PCLO: variants seen among roughly 807,000 people sequenced by gnomAD.
PCLO encodes piccolo presynaptic cytomatrix protein.
In PCLO, 82 loss-of-function variants were observed where a neutral mutation model predicts 427.5. The ratio of observed to expected loss-of-function variants is 0.19; its 90% CI spans 0.16 to 0.23. PCLO has a LOEUF of 0.23. Ranked by LOEUF, PCLO falls within the 10% of genes least tolerant of loss-of-function variation. The pLI is 1.00. For synonymous variants in PCLO, 2,357 were observed against 2,155.4 expected, an observed-to-expected ratio of 1.09 and a Z score of -2.59; for missense variants, 6,239 against 6,115.9, an observed-to-expected ratio of 1.02 and a Z score of -0.67.
chr7:82,863,001 T>C (rs543025836), intron 10 of PCLO, among the ~76,000 whole-genome samples: 9 of 152,118 alleles, frequency 5.9e-5, no homozygotes, highest in Admixed American at 5.2e-4. Context: ...CTAATGAGTA[T>C]AAATGTATTG....
chr7:83,119,857 A>T (rs1791230212), intron 3 of PCLO, among the ~76,000 whole-genome samples: 1 of 151,966 alleles, frequency 6.6e-6, no homozygotes, highest in African/African-American at 2.4e-5. Context: ...GTAATTTAAA[A>T]AATCAAACAG....
At chr7:82,821,630 G>C (rs1046134395) in intron 20 of PCLO, 4 of 964,828 alleles carry the variant, frequency 4.1e-6, no homozygotes, top group African/African-American at 1.8e-5. Flanking sequence ...CAAATGAAAT[G>C]AAAATACAGC....
chr7:82,808,036 T>G (rs1791491387), intron 20 of PCLO, among the ~76,000 whole-genome samples: 1 of 151,962 alleles, frequency 6.6e-6, no homozygotes, highest in Admixed American at 6.6e-5. Flanking sequence ...ATGATGGACA[T>G]GTATAAAGTA....
rs192928002 is a variant in PCLO, at chr7:82,916,751, T to A, written c.11235A>T (p.Thr3745=). 281 of 1,613,728 alleles carry A rather than the reference T, an allele frequency of 1.7e-4. 1 individual carries two copies. Among genetic ancestry groups the A allele is most frequent in the Non-Finnish European group, 1.9e-5 (22 of 1,179,722 alleles). The change falls in exon 7 of 25, where the codon ACA becomes ACT. Residue 3745 remains threonine (T), a synonymous_variant. Transcript: ENST00000333891. ...GTQSTFSTMG[T]VSRRRICRTN... ...TTCTGCAGATCCTTCTCCTGGAAAC[T>A]GTGCCCATTGTGCTGAATGTGGATT...
intron 6 of PCLO, among the ~76,000 whole-genome samples, chr7:82,931,002 CAAGTT>C (rs1257078942): frequency 2.6e-5 from 4 of 152,036 alleles, no homozygotes; most frequent in Admixed American, 6.6e-5. Flanking sequence ...TAAAAGAAAA[CAAGTT>C]AAGAGCCTTT....
chr7:82,883,418 A>G (rs1793556000), intron 9 of PCLO, among the ~76,000 whole-genome samples: 1 of 152,202 alleles, frequency 6.6e-6, no homozygotes, highest in African/African-American at 2.4e-5. Context: ...AAATTATATT[A>G]AAAATTCAGT....
rs531310089 is a variant in PCLO, at chr7:82,772,432, G to A, written c.15008-10939C>T. Among the ~76,000 whole-genome samples the A allele has an allele frequency of 6.6e-5, 10 of 152,164 alleles. No individual in the cohort carries two copies. The South Asian group carries it at 1.5e-3, about 22-fold the overall frequency. ...TCCTAGCACATTCTCATGTTTTAGG[G>A]CTAAGTGGGGGCTGAGGGAAGAGGC... On this transcript the variant is annotated intron_variant, in intron 22 of 24. Coordinates refer to ENST00000333891, the MANE Select transcript of PCLO (RefSeq NM_033026.6).
intron 3 of PCLO, among the ~76,000 whole-genome samples, chr7:83,003,247 GTAA>G (rs1787867673): frequency 6.6e-6 from 1 of 151,086 alleles, no homozygotes; most frequent in Admixed American, 6.6e-5. Context: ...ACGTTTATAT[GTAA>G]TATTATATAC....
At position 82,824,314 on chromosome 7, in the gene PCLO, T is replaced by C. The variant is rs1290916887; in HGVS notation, c.14518A>G (p.Ser4840Gly). 6.2e-7 allele frequency: 1 copy of C among 1,613,662 alleles called. No individual in the cohort carries two copies. Residue 4840 changes from serine (S) to glycine (G), a missense_variant, in exon 19 of 25, where the codon AGT (serine) becomes GGT (glycine). Ser to Gly is a moderately conservative substitution (Grantham distance 56). Around this residue, in one of 5 missense-constraint regions of PCLO, gnomAD observed 877 missense variants for 925.5 expected, o/e 0.95. Transcript: ENST00000333891. ...ESIDHGKSHS[S>G]QSSQQSPKPS... ...TTTGGGGACTGCTGGCTGCTCTGAC[T>C]GGAATGAGACTTGCCATGATCAATG...
At chr7:82,896,194 T>C (rs1282498040) in intron 9 of PCLO, among the ~76,000 whole-genome samples, 1 of 151,764 alleles carries the variant, frequency 6.6e-6, no homozygotes, top group South Asian at 2.1e-4. Flanking sequence ...CCAATAAAAA[T>C]TACATATTAT....
intron 4 of PCLO, 31 bp downstream of exon 4, chr7:82,965,740 G>A (rs776833630): frequency 1.1e-5 from 16 of 1,408,880 alleles, no homozygotes; most frequent in Non-Finnish European, 1.6e-5. Flanking sequence ...TCACACATGA[G>A]AGTGTGAGAA....
At chr7:82,935,708 C>T (rs1411560400) in intron 6 of PCLO, among the ~76,000 whole-genome samples, 3 of 151,530 alleles carry the variant, frequency 2.0e-5, no homozygotes, top group East Asian at 3.9e-4. Flanking sequence ...AAACACTATA[C>T]GATCACGGCG....
intron 20 of PCLO, among the ~76,000 whole-genome samples, chr7:82,812,674 G>A (rs1476258889): frequency 6.6e-6 from 1 of 151,474 alleles, no homozygotes; most frequent in Non-Finnish European, 1.5e-5. Context: ...TTCCGGTTTG[G>A]TGCTATAAAA....
At chr7:83,151,200 G>GA (rs1009249293) in intron 2 of PCLO, among the ~76,000 whole-genome samples, 3 of 151,632 alleles carry the variant, frequency 2.0e-5, no homozygotes, top group South Asian at 2.1e-4. Context: ...TTTCTTATAG[G>GA]AAAAAAAATC....
chr7:83,053,746 T>C (rs536266641), intron 3 of PCLO, among the ~76,000 whole-genome samples: 1 of 151,998 alleles, frequency 6.6e-6, no homozygotes, highest in African/African-American at 2.4e-5. Flanking sequence ...TTCTTTTCAA[T>C]CTAGATAATT....
At position 82,955,006 on chromosome 7, in the gene PCLO, A is replaced by T. The variant is rs758058081; in HGVS notation, c.5947T>A (p.Phe1983Ile). 3.7e-6 allele frequency: 6 copies of T among 1,613,770 alleles called. No homozygotes were observed. The highest frequency in any genetic ancestry group is 5.1e-6 in the Non-Finnish European group (6 of 1,179,856). Residue 1983 changes from phenylalanine (F) to isoleucine (I), a missense_variant, in exon 5 of 25, where the codon TTT (phenylalanine) becomes ATT (isoleucine). By Grantham distance (21) the Phe-to-Ile change is conservative. Around this residue, in one of 5 missense-constraint regions of PCLO, gnomAD observed 4,677 missense variants for 4,468.4 expected, o/e 1.05. Coordinates refer to ENST00000333891, the MANE Select transcript of PCLO (RefSeq NM_033026.6). The part of the protein sequence containing the change: ...LLTRQEEENG[F>I]MQQKGREQKI... Reference sequence around the variant, plus strand: ...TGCTCTCTTCCTTTCTGCTGCATAAATCCATTTTCTTCTTCTTGCCTTGTT... The same window carrying T: ...TGCTCTCTTCCTTTCTGCTGCATAATTCCATTTTCTTCTTCTTGCCTTGTT...
intron 6 of PCLO, among the ~76,000 whole-genome samples, chr7:82,938,611 G>T (rs1209245539): frequency 6.6e-6 from 1 of 151,818 alleles, no homozygotes; most frequent in East Asian, 1.9e-4. Flanking sequence ...AAACAATGAA[G>T]AAATTCAAAA....
chr7:83,031,882 T>C (rs1443944011), intron 3 of PCLO, among the ~76,000 whole-genome samples: 1 of 152,136 alleles, frequency 6.6e-6, no homozygotes. Context: ...AATTTAGTCT[T>C]TTTAATAATT....
rs139895872 is a variant in PCLO, at chr7:82,788,749, C to G, written c.15007+12769G>C. Among the ~76,000 whole-genome samples the G allele has an allele frequency of 3.2e-3, 485 of 152,022 alleles. 4 individuals carry two copies. The highest frequency in any genetic ancestry group is 5.3e-3 in the Non-Finnish European group (361 of 67,994). On this transcript the variant is annotated intron_variant, in intron 22 of 24. Coordinates refer to ENST00000333891, the MANE Select transcript of PCLO (RefSeq NM_033026.6). ...TCCACACACACACTCACATACTAATCAGAATGTGGAAGAGTCGAATTGAAT... is the reference window on the plus strand; with the variant it reads ...TCCACACACACACTCACATACTAATGAGAATGTGGAAGAGTCGAATTGAAT...
Sources: allele counts gnomAD v4.1 joint callset (sites outside exome capture counted in the v4.1 genomes callset), GRCh38; gene constraint gnomAD v4.1.1; regional missense constraint gnomAD v4.1.1; transcripts MANE v1.5; gene names NCBI Gene and HGNC (gene_info 2026-07-23, HGNC 2026-07-21).